Variants in DCLK1 observed in about 807,000 individuals in gnomAD.
The protein encoded by DCLK1 is serine/threonine-protein kinase DCLK1.
In DCLK1, 16 loss-of-function variants were observed where a neutral mutation model predicts 86.2. The observed-to-expected ratio is 0.19, with a 90% CI of 0.13 to 0.28. The LOEUF is 0.28. Ranked by LOEUF, DCLK1 falls within the 10% of genes least tolerant of loss-of-function variation. The pLI is 1.00. For missense variants in DCLK1, 590 were observed against 940.2 expected, an observed-to-expected ratio of 0.63 and a Z score of 4.87; for synonymous variants, 369 against 370.5, an observed-to-expected ratio of 1.00 and a Z score of 0.05.
chr13:35,969,342 C>CA (rs1878952378), intron 3 of DCLK1, among the ~76,000 whole-genome samples: 1 of 151,910 alleles, frequency 6.6e-6, no homozygotes, highest in Non-Finnish European at 1.5e-5. Flanking sequence ...TGACAAATGT[C>CA]CTTATAAGAG....
At chr13:35,831,178 C>A (rs1391728512) in intron 8 of DCLK1, among the ~76,000 whole-genome samples, 3 of 152,184 alleles carry the variant, frequency 2.0e-5, no homozygotes, top group African/African-American at 7.2e-5. Flanking sequence ...ATTACATCTA[C>A]TCATATTTCA....
intron 4 of DCLK1, among the ~76,000 whole-genome samples, chr13:35,940,887 G>T (rs1278959216): frequency 6.6e-6 from 1 of 152,168 alleles, no homozygotes; most frequent in Non-Finnish European, 1.5e-5. Flanking sequence ...AAGCTACATG[G>T]CTGAGTCCAG....
chr13:35,915,481 G>A (rs988075488), intron 4 of DCLK1, among the ~76,000 whole-genome samples: 18 of 152,150 alleles, frequency 1.2e-4, no homozygotes, highest in Non-Finnish European at 2.4e-4. Flanking sequence ...CAGGAGGATC[G>A]CTTGAGCTCA....
At chr13:35,809,206 T>C (rs927466263) in intron 12 of DCLK1, 111 bp from the exon 13 acceptor site, 2 of 727,664 alleles carry the variant, frequency 2.7e-6, no homozygotes, top group Admixed American at 3.0e-5. Flanking sequence ...CCAAACAAAA[T>C]AACAATCCCA....
intron 4 of DCLK1, among the ~76,000 whole-genome samples, chr13:35,927,988 G>C (rs547554585): frequency 1.5e-4 from 23 of 152,118 alleles, no homozygotes; most frequent in Admixed American, 1.3e-4. Flanking sequence ...TCCACTTATG[G>C]GCCTCTCCCA....
At position 35,802,130 on chromosome 13, in the gene DCLK1, T is replaced by G. The variant is rs147287417; in HGVS notation, c.1944+3569A>C. Among the ~76,000 whole-genome samples the G allele has an allele frequency of 3.9e-4, 59 of 152,150 alleles. No individual in the cohort carries two copies. The East Asian group carries it at 0.011, about 29-fold the overall frequency. On this transcript the variant is annotated intron_variant, in intron 15 of 16. Transcript: ENST00000360631. The stretch of plus-strand genomic sequence containing the variant: ...TAGAAGGCAGGGCTGGCACACAGTG[T>G]CTCTCTGATAAAAATGTATTTAGAA...
At chr13:35,915,305 G>A (rs1163178319) in intron 4 of DCLK1, among the ~76,000 whole-genome samples, 2 of 152,202 alleles carry the variant, frequency 1.3e-5, no homozygotes, top group Admixed American at 6.5e-5. Flanking sequence ...GTAACACGGA[G>A]GGGGTCCCTT....
chr13:36,126,260 C>T (rs1325399266), intron 1 of DCLK1, 104 bp from the exon 2 acceptor site: 2 of 991,524 alleles, frequency 2.0e-6, no homozygotes, highest in Non-Finnish European at 2.7e-6. Flanking sequence ...CAGGGTCCTG[C>T]TCTGTCACCG....
At chr13:36,007,621 A>C (rs1215731662) in intron 3 of DCLK1, among the ~76,000 whole-genome samples, 1 of 152,250 alleles carries the variant, frequency 6.6e-6, no homozygotes, top group African/African-American at 2.4e-5. Context: ...CTATATTGTA[A>C]GAATATTGAA....
intron 3 of DCLK1, among the ~76,000 whole-genome samples, chr13:36,024,071 T>TTTTTAGTA (rs1361633532): frequency 6.6e-6 from 1 of 151,918 alleles, no homozygotes; most frequent in East Asian, 1.9e-4. Flanking sequence ...AATTTTTGTA[T>TTTTTAGTA]TTTTAGTAGA....
chr13:36,089,403 T>A (rs2138132552), intron 3 of DCLK1, among the ~76,000 whole-genome samples: 1 of 152,286 alleles, frequency 6.6e-6, no homozygotes, highest in South Asian at 2.1e-4. Context: ...GCAGTTAATA[T>A]AACTCTATTT....
At chr13:35,855,934 C>G in intron 5 of DCLK1, 1 of 847,446 alleles carries the variant, frequency 1.2e-6, no homozygotes, top group Non-Finnish European at 1.4e-6. Context: ...AGCCTGGTGA[C>G]TACCAGGTAA....
At chr13:35,817,227 TC>T (rs1408368463) in intron 11 of DCLK1, among the ~76,000 whole-genome samples, 1 of 152,154 alleles carries the variant, frequency 6.6e-6, no homozygotes, top group Non-Finnish European at 1.5e-5. Flanking sequence ...CCTGTCCTCA[TC>T]TCCCTGATGA....
chr13:36,130,093 C>T (rs761510719), intron 1 of DCLK1, among the ~76,000 whole-genome samples: 13 of 152,158 alleles, frequency 8.5e-5, no homozygotes, highest in Middle Eastern at 3.4e-3. Flanking sequence ...CCTTCCAGGC[C>T]CGTGCACCAC....
At chr13:36,101,942 C>T (rs1473137427) in intron 3 of DCLK1, among the ~76,000 whole-genome samples, 3 of 151,958 alleles carry the variant, frequency 2.0e-5, no homozygotes, top group East Asian at 1.9e-4. Flanking sequence ...GGGGTTTCAC[C>T]GTGTTGGCCA....
chr13:36,069,215 A>G (rs1418890429), intron 3 of DCLK1, among the ~76,000 whole-genome samples: 1 of 151,964 alleles, frequency 6.6e-6, no homozygotes, highest in Non-Finnish European at 1.5e-5. Flanking sequence ...TGCTTGGAAA[A>G]TATTATTCTG....
chr13:35,848,157 C>A (rs977100921), intron 6 of DCLK1: 6 of 985,098 alleles, frequency 6.1e-6, no homozygotes, highest in Admixed American at 1.2e-4. Flanking sequence ...GACAAAACTG[C>A]GTGGCTTTTG....
At chr13:35,819,512 A>T (rs909726058) in intron 11 of DCLK1, among the ~76,000 whole-genome samples, 1 of 152,246 alleles carries the variant, frequency 6.6e-6, no homozygotes, top group South Asian at 2.1e-4. Context: ...GTTATAACAA[A>T]TATTAATCTA....
intron 3 of DCLK1, among the ~76,000 whole-genome samples, chr13:35,968,045 T>C (rs1878870749): frequency 6.6e-6 from 1 of 150,528 alleles, no homozygotes; most frequent in South Asian, 2.1e-4. Flanking sequence ...AAAAATAAAA[T>C]TTAAAAAAAA....
Sources: allele counts gnomAD v4.1 joint callset (sites outside exome capture counted in the v4.1 genomes callset), GRCh38; gene constraint gnomAD v4.1.1; transcripts MANE v1.5; gene names NCBI Gene and HGNC (gene_info 2026-07-23, HGNC 2026-07-21).